PPP2CB: variants seen among roughly 807,000 people sequenced by gnomAD.
PPP2CB encodes the protein protein phosphatase 2 catalytic subunit beta.
Under a neutral mutation model 39.1 loss-of-function variants are expected in PPP2CB, and 18 were observed. The ratio of observed to expected loss-of-function variants is 0.46; its 90% CI spans 0.32 to 0.68. The LOEUF (loss-of-function observed/expected upper bound fraction) is 0.68. PPP2CB is among the 30% of genes least tolerant of loss of function. The pLI, the probability that PPP2CB is intolerant of heterozygous loss-of-function variation, is 0.04. For synonymous variants in PPP2CB, 129 were observed against 133.8 expected (o/e 0.96, Z 0.25); for missense variants, 226 against 396.9 (o/e 0.57, Z 3.66).
chr8:30,797,532 C>A, intron 3 of PPP2CB, 49 bp downstream of exon 3: 1 of 1,505,808 alleles, frequency 6.6e-7, no homozygotes, highest in Non-Finnish European at 9.0e-7. Flanking sequence ...AATAGTCAAT[C>A]TCTGCTTCCA....
chr8:30,810,152 T>C (rs1256639399), intron 1 of PPP2CB: 1 of 152,230 alleles, frequency 6.6e-6, no homozygotes, highest in Non-Finnish European at 1.5e-5. Flanking sequence ...AAGTTCATCT[T>C]AAAATTATTA....
At chr8:30,791,887 T>C (rs1338836432) in intron 5 of PPP2CB, among the ~76,000 whole-genome samples, 2 of 151,366 alleles carry the variant, frequency 1.3e-5, no homozygotes, top group South Asian at 2.1e-4. Context: ...TGCATATATG[T>C]ATACATGTGT....
In PPP2CB at chr8:30,793,462, C is replaced by A. The variant is rs184133377; in HGVS notation, c.738+455G>T. 420 of 154,268 alleles carry A rather than the reference C, an allele frequency of 2.7e-3. 1 individual carries two copies. Among genetic ancestry groups the A allele is most frequent in the Non-Finnish European group, 5.2e-3 (359 of 69,352 alleles). 9.6% of individuals were successfully genotyped at this position (154,268 alleles called of 1,614,324 possible). On this transcript the variant is annotated intron_variant, in intron 5 of 6. Transcript: ENST00000221138. The stretch of plus-strand genomic sequence containing the variant: ...ATATTAAATAACAGTACTATATGAA[C>A]ACAAATTTCCCAACTGTGATAACTA...
chr8:30,787,230 T>C (rs988507090), intron 6 of PPP2CB, among the ~76,000 whole-genome samples: 1 of 152,228 alleles, frequency 6.6e-6, no homozygotes, highest in African/African-American at 2.4e-5. Flanking sequence ...TGCTGGTCTG[T>C]TTTTGCCTTT....
chr8:30,791,796 T>C (rs1186677539), intron 5 of PPP2CB, among the ~76,000 whole-genome samples: 1 of 151,956 alleles, frequency 6.6e-6, no homozygotes, highest in Non-Finnish European at 1.5e-5. Flanking sequence ...TAGTATTATA[T>C]ATAGTGTGTA....
chr8:30,809,714 G>C (rs1026667751), intron 1 of PPP2CB, among the ~76,000 whole-genome samples: 1 of 152,162 alleles, frequency 6.6e-6, no homozygotes, highest in Admixed American at 6.5e-5. Context: ...GCCAAGGCGG[G>C]AGGATCACTT....
At chr8:30,794,472 T>TA in intron 3 of PPP2CB, 191 bp from the exon 4 acceptor site, 1 of 513,146 alleles carries the variant, frequency 1.9e-6, no homozygotes, top group Non-Finnish European at 3.3e-6. Flanking sequence ...CCATTAAATT[T>TA]CTTTTTTTTT....
chr8:30,798,588 TG>T (rs1277796256), intron 2 of PPP2CB, among the ~76,000 whole-genome samples: 1 of 152,218 alleles, frequency 6.6e-6, no homozygotes, highest in Non-Finnish European at 1.5e-5. Context: ...CCTAGGTTTG[TG>T]TAAGTTCCAA....
rs367691725 is a variant in PPP2CB at position 30,795,788 on chromosome 8, CT to C, written c.487-1508del. ...ATAACTGGTATTTTACTATAGTAAG[CT>C]TCATTCAGCTTTTCAAACTTAGTGC... On this transcript the variant is annotated intron_variant, in intron 3 of 6. Coordinates refer to ENST00000221138, the MANE Select transcript of PPP2CB (RefSeq NM_001009552.2). Among the ~76,000 whole-genome samples, 32 of 152,328 alleles carry C rather than the reference CT, an allele frequency of 2.1e-4. No individual in the cohort carries two copies. The East Asian group carries it at 5.2e-3, about 25-fold the overall frequency.
chr8:30,809,076 ATTT>A (rs777467309), intron 1 of PPP2CB, among the ~76,000 whole-genome samples: 2 of 139,234 alleles, frequency 1.4e-5, no homozygotes, highest in Non-Finnish European at 1.6e-5. Flanking sequence ...CGCCCAGCTA[ATTT>A]TTTTTTTTTT....
chr8:30,807,580 C>T (rs1438919056), intron 1 of PPP2CB, among the ~76,000 whole-genome samples: 1 of 152,170 alleles, frequency 6.6e-6, no homozygotes, highest in Non-Finnish European at 1.5e-5. Context: ...AAAGATCTGC[C>T]AGCACACACA....
chr8:30,812,503 C>G lies in PPP2CB; in HGVS notation c.-82G>C, dbSNP rs923894230. 2 of 1,041,948 alleles carry G rather than the reference C, an allele frequency of 1.9e-6. No individual in the cohort carries two copies. The highest frequency in any genetic ancestry group is 2.6e-6 in the Non-Finnish European group (2 of 772,924). The allele number at this position is 1,041,948 out of a possible 1,614,324, so 64.5% of individuals were successfully genotyped here. A position where few individuals can be genotyped will look rare whatever the true frequency, so the allele number is the denominator to read the frequency against. On this transcript the variant is annotated 5_prime_UTR_variant, in exon 1 of 7. Coordinates refer to ENST00000221138, the MANE Select transcript of PPP2CB (RefSeq NM_001009552.2). ...TCCCCACCCGCCCCCGGCCCCGGCC[C>G]GGGCGCCGCTCCCCTCTCCCTCCGC... is the stretch of plus-strand genomic sequence containing the variant.
intron 3 of PPP2CB, among the ~76,000 whole-genome samples, chr8:30,797,025 T>C (rs927812933): frequency 6.6e-6 from 1 of 151,952 alleles, no homozygotes; most frequent in Non-Finnish European, 1.5e-5. Context: ...TAAATTTTTT[T>C]TTTTGTAGAG....
intron 1 of PPP2CB, among the ~76,000 whole-genome samples, chr8:30,808,922 C>CTTT (rs34287210): frequency 2.5e-4 from 29 of 116,736 alleles, no homozygotes; most frequent in East Asian, 4.5e-4. Flanking sequence ...TTTACATGGC[C>CTTT]TTTTTTTTTT....
intron 1 of PPP2CB, among the ~76,000 whole-genome samples, chr8:30,805,781 G>A (rs1366240214): frequency 1.3e-5 from 2 of 152,090 alleles, no homozygotes; most frequent in African/African-American, 4.8e-5. Flanking sequence ...ATCTCCAATG[G>A]AGTCTTCCAC....
intron 3 of PPP2CB, among the ~76,000 whole-genome samples, chr8:30,795,966 AAGGAAGGAAGG>A (rs1488653692): frequency 6.6e-6 from 1 of 152,190 alleles, no homozygotes; most frequent in East Asian, 1.9e-4. Flanking sequence ...TTCAGAAAGA[AAGGAAGGAAGG>A]AGGAAGGGAA....
At chr8:30,788,356 T>C (rs1806377451) in intron 6 of PPP2CB, among the ~76,000 whole-genome samples, 1 of 152,120 alleles carries the variant, frequency 6.6e-6, no homozygotes, top group Non-Finnish European at 1.5e-5. Context: ...CTTGATCAAC[T>C]GGGCTCAAGT....
At chr8:30,794,560 CT>C in intron 3 of PPP2CB, 2 of 311,524 alleles carry the variant, frequency 6.4e-6, no homozygotes, top group Non-Finnish European at 1.1e-5. Context: ...AAATTTCTTT[CT>C]TTCTTTTTTT....
At chr8:30,791,374 C>T (rs1806425442) in intron 5 of PPP2CB, 59 bp from the exon 6 acceptor site, 4 of 1,301,438 alleles carry the variant, frequency 3.1e-6, no homozygotes, top group African/African-American at 3.0e-5. Context: ...GACACAGACA[C>T]ATTTAAAAAA....
Sources: gnomAD v4.1 joint callset for allele counts (sites outside exome capture counted in the v4.1 genomes callset) on GRCh38, gnomAD v4.1.1 for gene constraint, MANE v1.5 for transcripts, NCBI Gene and HGNC (gene_info 2026-07-23, HGNC 2026-07-21) for gene names.